Variants in ITGA1 observed in about 807,000 individuals in gnomAD.
ITGA1 encodes the protein integrin alpha-1.
Under a neutral mutation model 145.9 loss-of-function variants are expected in ITGA1, and 85 were observed. The observed-to-expected ratio is 0.58, with a 90% CI of 0.49 to 0.70. The LOEUF (loss-of-function observed/expected upper bound fraction) is 0.70. Among genes scored for constraint, ITGA1 ranks in the 30% least tolerant of loss-of-function variants. ITGA1 has a pLI of 0.00. For missense variants in ITGA1, 1,351 were observed against 1,418.7 expected (o/e 0.95, Z 0.77); for synonymous variants, 520 against 495.3 (o/e 1.05, Z -0.66).
chr5:52,926,797 A>G (rs1750818551), intron 19 of ITGA1, among the ~76,000 whole-genome samples: 2 of 152,212 alleles, frequency 1.3e-5, no homozygotes, highest in South Asian at 4.2e-4. Context: ...AACAGTAACA[A>G]CAGTAATAAT....
chr5:52,940,726 A>G (rs1751043197), intron 26 of ITGA1, among the ~76,000 whole-genome samples: 5 of 152,176 alleles, frequency 3.3e-5, no homozygotes, highest in Admixed American at 3.3e-4. Flanking sequence ...TGACTTTGCC[A>G]TTTTTGAATT....
At chr5:52,945,688 C>A (rs945109819) in intron 27 of ITGA1, among the ~76,000 whole-genome samples, 4 of 152,142 alleles carry the variant, frequency 2.6e-5, no homozygotes, top group South Asian at 2.1e-4. Flanking sequence ...TGATCTCCCC[C>A]CTTCTCATGG....
chr5:52,951,006 T>C (rs1037594916), intron 28 of ITGA1, among the ~76,000 whole-genome samples: 2 of 152,296 alleles, frequency 1.3e-5, no homozygotes, highest in South Asian at 2.1e-4. Flanking sequence ...ATTGTTTTCA[T>C]GTGTATTTGT....
Position 52,861,535 on chromosome 5 carries a change from C to A in ITGA1, c.271C>A (p.Pro91Thr). The A allele has an allele frequency of 6.2e-7, 1 of 1,612,612 alleles. No homozygotes were observed. Among genetic ancestry groups the A allele is most frequent in the Non-Finnish European group, 8.5e-7 (1 of 1,178,856 alleles). The change falls in exon 3 of 29, where the codon CCT (proline) becomes ACT (threonine). Residue 91 changes from proline to threonine, a missense_variant. By Grantham distance (38) the Pro-to-Thr change is conservative. Coordinates refer to ENST00000282588, the MANE Select transcript of ITGA1 (RefSeq NM_181501.2). ...TCCAGTTGGGAGAGGTGAATCATTA[C>A]CTTGTGTAAAGTTGGATCTACCAGG... is the stretch of plus-strand genomic sequence containing the variant. ...KCPVGRGESL[P>T]CVKLDLPVNT...
At chr5:52,789,700 C>T (rs1302172475) in intron 1 of ITGA1, among the ~76,000 whole-genome samples, 1 of 152,158 alleles carries the variant, frequency 6.6e-6, no homozygotes, top group Admixed American at 6.5e-5. Context: ...ACATATTTGA[C>T]CTATGATTCT....
chr5:52,788,837 A>C (rs1053351317), intron 1 of ITGA1, among the ~76,000 whole-genome samples: 1 of 151,416 alleles, frequency 6.6e-6, no homozygotes, highest in Admixed American at 6.6e-5. Context: ...GTTGTTCCAG[A>C]GTGGACATTA....
At chr5:52,946,930 G>A (rs545140635) in intron 27 of ITGA1, among the ~76,000 whole-genome samples, 65 of 152,220 alleles carry the variant, frequency 4.3e-4, no homozygotes, top group South Asian at 1.0e-3. Flanking sequence ...AATAAAATAA[G>A]GAGACTTTCT....
intron 3 of ITGA1, 21 bp from the exon 4 acceptor site, chr5:52,864,742 A>C (rs1749656835): frequency 1.3e-6 from 2 of 1,487,278 alleles, no homozygotes; most frequent in African/African-American, 2.8e-5. Flanking sequence ...CCTCCCTCAT[A>C]AAATTTTGTT....
At chr5:52,879,598 A>T (rs1749922591) in intron 6 of ITGA1, among the ~76,000 whole-genome samples, 1 of 152,208 alleles carries the variant, frequency 6.6e-6, no homozygotes, top group South Asian at 2.1e-4. Flanking sequence ...GCAGAGGGTA[A>T]TAAAAATGTT....
chr5:52,880,976 G>A (rs1749947356), intron 6 of ITGA1, among the ~76,000 whole-genome samples: 2 of 152,130 alleles, frequency 1.3e-5, no homozygotes, highest in African/African-American at 2.4e-5. Flanking sequence ...ATGGAGCAAG[G>A]GAAATCAAAT....
At chr5:52,930,270 A>G (rs908135214) in intron 21 of ITGA1, among the ~76,000 whole-genome samples, 1 of 152,158 alleles carries the variant, frequency 6.6e-6, no homozygotes, top group East Asian at 1.9e-4. Context: ...TTTTATTCAC[A>G]GTGACTAGCA....
chr5:52,823,330 G>A (rs1464646067), intron 1 of ITGA1, among the ~76,000 whole-genome samples: 1 of 152,060 alleles, frequency 6.6e-6, no homozygotes, highest in Non-Finnish European at 1.5e-5. Context: ...TCAGCCTCCC[G>A]AGTAGCTGGG....
At chr5:52,910,483 CCTGT>C (rs1489582145) in intron 14 of ITGA1, 64 bp downstream of exon 14, 22 of 1,520,830 alleles carry the variant, frequency 1.4e-5, no homozygotes, top group Non-Finnish European at 1.8e-5. Context: ...CCAGGCATTA[CCTGT>C]CTAACTTCAT....
chr5:52,852,802 A>G (rs1236714529), intron 2 of ITGA1, among the ~76,000 whole-genome samples: 1 of 152,226 alleles, frequency 6.6e-6, no homozygotes, highest in African/African-American at 2.4e-5. Context: ...CATAATATGC[A>G]CTCAATCATT....
intron 15 of ITGA1, among the ~76,000 whole-genome samples, chr5:52,916,729 A>G (rs1409856526): frequency 6.6e-6 from 1 of 152,190 alleles, no homozygotes; most frequent in Non-Finnish European, 1.5e-5. Context: ...AAGGCTCAAA[A>G]CCAGAAGTCA....
chr5:52,801,662 G>C, intron 1 of ITGA1: 3 of 1,614,178 alleles, frequency 1.9e-6, no homozygotes, highest in South Asian at 1.1e-5. Flanking sequence ...GCCACACGGA[G>C]CCGGTATGTG....
At chr5:52,832,797 G>GTGTGTGTGTGTC in intron 1 of ITGA1, among the ~76,000 whole-genome samples, 1 of 147,506 alleles carries the variant, frequency 6.8e-6, no homozygotes, top group East Asian at 2.0e-4. Context: ...GTGTGTGTGT[G>GTGTGTGTGTGTC]TGTGTGTGTG....
intron 1 of ITGA1, among the ~76,000 whole-genome samples, chr5:52,808,671 TCTTTC>T (rs1748634687): frequency 2.1e-5 from 1 of 48,388 alleles, no homozygotes; most frequent in Non-Finnish European, 4.2e-5. Context: ...TTTCTTTCTT[TCTTTC>T]TTTTTTTTTT....
intron 1 of ITGA1, among the ~76,000 whole-genome samples, chr5:52,806,275 T>C (rs1187639370): frequency 6.6e-6 from 1 of 151,450 alleles, no homozygotes; most frequent in Non-Finnish European, 1.5e-5. Flanking sequence ...AATTATAATA[T>C]TTTTGTGAAT....
Sources: gnomAD v4.1 joint callset for allele counts (sites outside exome capture counted in the v4.1 genomes callset) on GRCh38, gnomAD v4.1.1 for gene constraint, MANE v1.5 for transcripts, NCBI Gene and HGNC (gene_info 2026-07-23, HGNC 2026-07-21) for gene names.